DOCK1: variants seen among roughly 807,000 people sequenced by gnomAD.
DOCK1 encodes dedicator of cytokinesis protein 1.
A neutral mutation model predicts 262.7 loss-of-function variants in DOCK1; 138 were observed. That is an observed-to-expected ratio of 0.53 (90% CI 0.46 to 0.61). The LOEUF (loss-of-function observed/expected upper bound fraction) is 0.61, where lower values mean the gene tolerates loss of function less well. DOCK1 is among the 20% of genes least tolerant of loss of function. DOCK1 has a pLI of 0.00. For missense variants in DOCK1, 1,908 were observed against 2,370.7 expected, an observed-to-expected ratio of 0.80 and a Z score of 4.05; for synonymous variants, 866 against 867.4, an observed-to-expected ratio of 1.00 and a Z score of 0.03.
intron 27 of DOCK1, among the ~76,000 whole-genome samples, chr10:127,156,483 A>T (rs2053058111): frequency 6.6e-6 from 1 of 152,076 alleles, no homozygotes; most frequent in Admixed American, 6.5e-5. Context: ...CTTCAGTAAG[A>T]AATTGCTTTT....
At position 127,042,580 on chromosome 10, in the gene DOCK1, G is replaced by GTCC. The variant is rs762409598; in HGVS notation, c.2011-44_2011-42dup. 4.5e-6 allele frequency: 7 copies of GTCC among 1,547,004 alleles called. No homozygotes were observed. The Admixed American group carries it at 1.2e-4, about 26-fold the overall frequency. Reference sequence around the variant, plus strand: ...ATAGTTATTCCAGTGTGTGGGGGAAGTCCGGTGGGTTCACATTGTCACCCG... The same window carrying GTCC: ...ATAGTTATTCCAGTGTGTGGGGGAAGTCCTCCGGTGGGTTCACATTGTCACCCG... On this transcript the variant is annotated intron_variant, in intron 19 of 51. Coordinates refer to ENST00000623213, the MANE Select transcript of DOCK1 (RefSeq NM_001290223.2).
intron 29 of DOCK1, among the ~76,000 whole-genome samples, chr10:127,312,577 C>T (rs74158657): frequency 0.015 from 2,278 of 152,254 alleles, 63 homozygotes; most frequent in African/African-American, 0.052. Context: ...GCCAAGGGTC[C>T]ACTCTGTCTC....
At chr10:127,308,176 T>C (rs1025402474) in intron 29 of DOCK1, among the ~76,000 whole-genome samples, 14 of 152,216 alleles carry the variant, frequency 9.2e-5, no homozygotes, top group Non-Finnish European at 1.8e-4. Flanking sequence ...GGTGACAGCA[T>C]TGTTGGCCTC....
intron 7 of DOCK1, among the ~76,000 whole-genome samples, chr10:126,997,098 C>T (rs775523933): frequency 6.6e-5 from 10 of 152,196 alleles, no homozygotes; most frequent in Admixed American, 2.0e-4. Context: ...TGTGTTTCAT[C>T]GTAGGAGACA....
At chr10:127,029,811 A>G (rs971365291) in intron 16 of DOCK1, among the ~76,000 whole-genome samples, 2 of 152,144 alleles carry the variant, frequency 1.3e-5, no homozygotes, top group African/African-American at 4.8e-5. Flanking sequence ...TCTGCTGACC[A>G]TTATTGTCAC....
intron 1 of DOCK1, among the ~76,000 whole-genome samples, chr10:126,927,812 G>A (rs1378533698): frequency 3.3e-5 from 5 of 152,144 alleles, no homozygotes; most frequent in African/African-American, 4.8e-5. Flanking sequence ...CTCCCTAGGC[G>A]TTAAGGACTC....
At chr10:127,388,025 G>T (rs1280687947) in intron 38 of DOCK1, among the ~76,000 whole-genome samples, 1 of 152,144 alleles carries the variant, frequency 6.6e-6, no homozygotes, top group Non-Finnish European at 1.5e-5. Flanking sequence ...GGAAGAGAAG[G>T]TGCTGTTAAC....
chr10:127,420,725 G>C (rs1406734872), intron 46 of DOCK1, among the ~76,000 whole-genome samples: 1 of 151,786 alleles, frequency 6.6e-6, no homozygotes, highest in African/African-American at 2.4e-5. Flanking sequence ...TATAATCCCA[G>C]CTACTCAGGA....
intron 23 of DOCK1, among the ~76,000 whole-genome samples, chr10:127,104,699 AT>A (rs2136208806): frequency 6.6e-6 from 1 of 152,236 alleles, no homozygotes; most frequent in South Asian, 2.1e-4. Context: ...CGTGAATGTT[AT>A]TTTCCCTCTT....
chr10:127,235,942 T>A (rs1336718405), intron 27 of DOCK1, among the ~76,000 whole-genome samples: 2 of 152,234 alleles, frequency 1.3e-5, no homozygotes, highest in Non-Finnish European at 2.9e-5. Context: ...TCTGCTCACA[T>A]TTTTTGCCAA....
chr10:126,995,505 C>T lies in DOCK1; in HGVS notation c.474-1243C>T, dbSNP rs972287292. Among the ~76,000 whole-genome samples the T allele has an allele frequency of 2.6e-5, 4 of 152,322 alleles. No individual in the cohort carries two copies. Among genetic ancestry groups the T allele is most frequent in the East Asian group, 1.9e-4 (1 of 5,144 alleles). ...AAATACGAAAACCAGTCAGGTGTGG[C>T]GGCGCGCGCCTGCAATCCCAGGCAC... On this transcript the variant is annotated intron_variant, in intron 6 of 51. Coordinates refer to ENST00000623213, the MANE Select transcript of DOCK1 (RefSeq NM_001290223.2). The surrounding 1 kb of genome is among the most constrained non-coding windows in gnomAD (Gnocchi z 5.8).
intron 23 of DOCK1, among the ~76,000 whole-genome samples, chr10:127,093,242 C>CTTTTTTTTT (rs200302331): frequency 1.4e-4 from 11 of 79,304 alleles, no homozygotes; most frequent in African/African-American, 2.7e-4. Flanking sequence ...TTTCTTTCTT[C>CTTTTTTTTT]TTTTTTTTTT....
In DOCK1 at chr10:127,437,286, A is replaced by G. The variant is rs1199976043; in HGVS notation, c.5061-1741A>G. Among the ~76,000 whole-genome samples, 1 of 152,190 alleles carries G rather than the reference A, an allele frequency of 6.6e-6. No homozygotes were observed. Among genetic ancestry groups the G allele is most frequent in the Non-Finnish European group, 1.5e-5 (1 of 68,034 alleles). Reference sequence around the variant, plus strand: ...GCAGCAGATCCTACTGCACAGCCATATTAGATGAGAGAAGCAAAGAATAGG... The same window carrying G: ...GCAGCAGATCCTACTGCACAGCCATGTTAGATGAGAGAAGCAAAGAATAGG... On this transcript the variant is annotated intron_variant, in intron 48 of 51. Transcript: ENST00000623213. The surrounding 1 kb of genome is among the most constrained non-coding windows in gnomAD (Gnocchi z 4.4).
chr10:127,247,259 T>G (rs2059462309), intron 27 of DOCK1, among the ~76,000 whole-genome samples: 1 of 152,178 alleles, frequency 6.6e-6, no homozygotes, highest in African/African-American at 2.4e-5. Context: ...TTTTTCCTCC[T>G]TCTTTTCCTT....
chr10:126,967,703 C>T (rs1445327742), intron 1 of DOCK1, among the ~76,000 whole-genome samples: 1 of 152,162 alleles, frequency 6.6e-6, no homozygotes, highest in Non-Finnish European at 1.5e-5. Context: ...ATCTCTTTGA[C>T]CTCCTCTGCT....
intron 11 of DOCK1, among the ~76,000 whole-genome samples, chr10:127,009,340 A>G (rs77035129): frequency 4.7e-4 from 71 of 152,336 alleles, no homozygotes; most frequent in African/African-American, 1.6e-3. Context: ...AAGTCTTTAA[A>G]GAGGCACGGA....
At chr10:127,308,659 C>T (rs1395647664) in intron 29 of DOCK1, among the ~76,000 whole-genome samples, 1 of 152,172 alleles carries the variant, frequency 6.6e-6, no homozygotes, top group Non-Finnish European at 1.5e-5. Context: ...TTGTTCAACT[C>T]CCACTTATGA....
At chr10:126,917,206 G>A (rs1275320168) in intron 1 of DOCK1, among the ~76,000 whole-genome samples, 7 of 152,232 alleles carry the variant, frequency 4.6e-5, no homozygotes, top group African/African-American at 1.7e-4. Flanking sequence ...TTCACAGCAC[G>A]AGGGAAGCCA....
rs991276783 is a variant in DOCK1 at position 126,941,617 on chromosome 10, G to A, written c.47-29085G>A. ...TAAAAGTACAAAAAATTAGCCAGGC[G>A]TGGTGGCGGGTGCCTGTAGTCCCGC... is the stretch of plus-strand genomic sequence containing the variant. On this transcript the variant is annotated intron_variant, in intron 1 of 51. Transcript: ENST00000623213. Among the ~76,000 whole-genome samples, 221 of 152,186 alleles carry A rather than the reference G, an allele frequency of 1.5e-3. 2 individuals carry two copies. Among genetic ancestry groups the A allele is most frequent in the African/African-American group, 4.7e-3 (196 of 41,550 alleles).
Sources: gnomAD v4.1 joint callset for allele counts (sites outside exome capture counted in the v4.1 genomes callset) on GRCh38, gnomAD v4.1.1 for gene constraint, Gnocchi (gnomAD v3.1) non-coding constraint, MANE v1.5 for transcripts, NCBI Gene and HGNC (gene_info 2026-07-23, HGNC 2026-07-21) for gene names.